Variants in NOX4 observed in about 807,000 individuals in gnomAD.
The protein encoded by NOX4 is NADPH oxidase 4, also known as kidney oxidase-1.
Under a neutral mutation model 87.6 loss-of-function variants are expected in NOX4, and 69 were observed. The observed-to-expected ratio is 0.79, with a 90% CI of 0.65 to 0.96. The LOEUF is 0.96. NOX4 is among the 40% of genes least tolerant of loss of function. The pLI is 0.00. For missense variants in NOX4, 680 were observed against 681.5 expected (o/e 1.00, Z 0.02); for synonymous variants, 275 against 238.2 (o/e 1.15, Z -1.42).
intron 6 of NOX4, among the ~76,000 whole-genome samples, chr11:89,437,345 T>C (rs1254776547): frequency 1.3e-5 from 2 of 152,150 alleles, no homozygotes; most frequent in Non-Finnish European, 2.9e-5. Context: ...ACATTAGTGA[T>C]ATAAAGTTGG....
At chr11:89,572,439 T>A in the NOX4 span, among the ~76,000 whole-genome samples, 1 of 152,274 alleles carries the variant, frequency 6.6e-6, no homozygotes, top group Non-Finnish European at 1.5e-5. Flanking sequence ...ATTTTATGAA[T>A]ATACATTATG....
At position 89,337,510 on chromosome 11, in the gene NOX4, C is replaced by T. The variant is rs780206802; in HGVS notation, c.1452G>A (p.Trp484Ter). The T allele has an allele frequency of 6.2e-7, 1 of 1,611,358 alleles. No individual in the cohort carries two copies. The highest frequency in any genetic ancestry group is 1.3e-5 in the African/African-American group (1 of 74,780). The change falls in exon 16 of 18, where the codon TGG becomes TGA. Residue 484 changes from tryptophan (W) to a stop codon, truncating the protein, a stop_gained. Transcript: ENST00000263317. LOFTEE classifies it high-confidence loss of function. ...TGACATAGTCAGGTCTGTTCTCTTG[C>T]CAAAACTGAGAGGACAGAAAAAGGA... ...DLLCMLHNKF[W>*]QENRPDYVNI...
intron 17 of NOX4, among the ~76,000 whole-genome samples, chr11:89,335,550 T>C (rs916422349): frequency 1.3e-5 from 2 of 151,778 alleles, no homozygotes; most frequent in African/African-American, 4.8e-5. Flanking sequence ...TGATATATGC[T>C]GTGGGAGCGA....
At chr11:89,554,384 A>C in the NOX4 span, among the ~76,000 whole-genome samples, 1 of 152,094 alleles carries the variant, frequency 6.6e-6, no homozygotes, top group African/African-American at 2.4e-5. Context: ...ATAAACCAAT[A>C]ATATTTTTTA....
intron 7 of NOX4, among the ~76,000 whole-genome samples, chr11:89,428,337 C>T (rs1375191571): frequency 6.6e-6 from 1 of 152,152 alleles, no homozygotes; most frequent in Non-Finnish European, 1.5e-5. Context: ...CAGCTAACAT[C>T]ATAATGACAG....
chr11:89,391,052 G>A lies in NOX4; in HGVS notation c.1074+8965C>T, dbSNP rs71469260. Among the ~76,000 whole-genome samples, 837 of 152,210 alleles carry A rather than the reference G, an allele frequency of 5.5e-3. 6 individuals are homozygous for A. The highest frequency in any genetic ancestry group is 8.2e-3 in the Non-Finnish European group (556 of 68,010). ...TGTCTACAAAGCATTTCTCAAGCTA[G>A]GTCCTGAACTCTATATATTAGGTGG... On this transcript the variant is annotated intron_variant, in intron 11 of 17. Transcript: ENST00000263317.
At chr11:89,365,006 G>T (rs193190111) in intron 12 of NOX4, among the ~76,000 whole-genome samples, 1 of 152,130 alleles carries the variant, frequency 6.6e-6, no homozygotes, top group East Asian at 1.9e-4. Context: ...CCGTCATACT[G>T]CCTTATTCTC....
At chr11:89,459,735 C>A (rs1027399412) in intron 2 of NOX4, among the ~76,000 whole-genome samples, 2 of 152,078 alleles carry the variant, frequency 1.3e-5, no homozygotes, top group Admixed American at 6.5e-5. Context: ...CCATACTGCC[C>A]AAGGTAATTT....
At chr11:89,480,471 T>G (rs1448258741) in intron 2 of NOX4, among the ~76,000 whole-genome samples, 2 of 152,134 alleles carry the variant, frequency 1.3e-5, no homozygotes, top group African/African-American at 4.8e-5. Flanking sequence ...CTGAGATAAG[T>G]AGAATATTTC....
the NOX4 span, among the ~76,000 whole-genome samples, chr11:89,587,093 A>G: frequency 4.6e-5 from 7 of 152,306 alleles, no homozygotes; most frequent in East Asian, 1.9e-4. Flanking sequence ...CACAGAAAAA[A>G]TAATCAGAAT....
Position 89,389,282 on chromosome 11 carries a change from C to T in NOX4, c.1074+10735G>A, listed in dbSNP as rs1277259856. Among the ~76,000 whole-genome samples, 5 of 152,228 alleles carry T rather than the reference C, an allele frequency of 3.3e-5. No homozygotes were observed. The East Asian group carries it at 7.7e-4, about 24-fold the overall frequency. ...GAAGCATTTTAAATAATCAAAACTC[C>T]AACCTTTGCCCTCCTAATAAATTCG... On this transcript the variant is annotated intron_variant, in intron 11 of 17. Coordinates refer to ENST00000263317, the MANE Select transcript of NOX4 (RefSeq NM_016931.5).
intron 8 of NOX4, among the ~76,000 whole-genome samples, chr11:89,407,338 T>C (rs189823444): frequency 1.3e-3 from 205 of 152,198 alleles, no homozygotes; most frequent in African/African-American, 4.7e-3. Flanking sequence ...CAAGTTATAA[T>C]GACATGGTGA....
chr11:89,536,701 C>T, the NOX4 span, among the ~76,000 whole-genome samples: 2 of 152,102 alleles, frequency 1.3e-5, no homozygotes, highest in Non-Finnish European at 2.9e-5. Context: ...TTTTTCTCCT[C>T]CTCCTCATTA....
the NOX4 span, among the ~76,000 whole-genome samples, chr11:89,536,305 C>A: frequency 6.6e-6 from 1 of 151,888 alleles, no homozygotes; most frequent in Non-Finnish European, 1.5e-5. Flanking sequence ...CGCCACCATG[C>A]CCGGGTAATT....
the NOX4 span, among the ~76,000 whole-genome samples, chr11:89,523,171 G>T: frequency 1.8e-4 from 27 of 152,106 alleles, 1 homozygote; most frequent in East Asian, 5.2e-3. Flanking sequence ...CTACAGGCAC[G>T]TGTCACCAAA....
intron 2 of NOX4, among the ~76,000 whole-genome samples, chr11:89,473,585 A>G (rs1448065892): frequency 1.3e-5 from 2 of 152,184 alleles, no homozygotes; most frequent in Admixed American, 6.5e-5. Flanking sequence ...GATATTCAAT[A>G]TAAAGATCTT....
upstream of NOX4, among the ~76,000 whole-genome samples, chr11:89,497,168 C>A (rs1333460589): frequency 6.6e-6 from 1 of 152,182 alleles, no homozygotes; most frequent in Admixed American, 6.5e-5. Context: ...CAAGACAGTG[C>A]ACACTCTCCA....
At chr11:89,438,766 AAT>A (rs1944249387) in intron 6 of NOX4, among the ~76,000 whole-genome samples, 4 of 69,578 alleles carry the variant, frequency 5.7e-5, no homozygotes, top group African/African-American at 2.3e-4. Context: ...AATATAATAT[AAT>A]ATAATAATAT....
At chr11:89,572,831 GTCTT>G in the NOX4 span, among the ~76,000 whole-genome samples, 1 of 152,018 alleles carries the variant, frequency 6.6e-6, no homozygotes, top group African/African-American at 2.4e-5. Flanking sequence ...GATAACAACT[GTCTT>G]TATTTACATT....
Sources: gnomAD v4.1 joint callset for allele counts (sites outside exome capture counted in the v4.1 genomes callset) on GRCh38, gnomAD v4.1.1 for gene constraint, MANE v1.5 for transcripts, NCBI Gene and HGNC (gene_info 2026-07-23, HGNC 2026-07-21) for gene names.